SUMF1: variants seen among roughly 807,000 people sequenced by gnomAD.
The protein encoded by SUMF1 is sulfatase modifying factor 1.
SUMF1 carries 48 observed loss-of-function variants against 47.6 expected under a neutral mutation model. The ratio of observed to expected loss-of-function variants is 1.01; its 90% confidence interval spans 0.80 to 1.28. SUMF1 has a LOEUF of 1.28. Ranked by LOEUF, SUMF1 falls within the 50% of genes most tolerant of loss-of-function variation. The probability of loss-of-function intolerance (pLI) is 0.00; values close to 1 mark genes in which losing one functional copy is unlikely to be tolerated. For synonymous variants in SUMF1, 230 were observed against 192.1 expected (o/e 1.20, Z -1.63); for missense variants, 571 against 485.4 (o/e 1.18, Z -1.66).
At chr3:4,132,575 A>G (rs960777023) in intron 8 of SUMF1, among the ~76,000 whole-genome samples, 1 of 152,120 alleles carries the variant, frequency 6.6e-6, no homozygotes, top group Non-Finnish European at 1.5e-5. Flanking sequence ...CAAGTGATCC[A>G]CTAGCAAAAT....
rs1699775863 is a variant in SUMF1, at chr3:4,362,035, C to A, written c.*109G>T. 5 of 1,111,824 alleles carry A rather than the reference C, an allele frequency of 4.5e-6. No homozygotes were observed. Among genetic ancestry groups the A allele is most frequent in the Non-Finnish European group, 6.7e-6 (5 of 747,622 alleles). The allele number at this position is 1,111,824 out of a possible 1,614,324, so 68.9% of individuals were successfully genotyped here. Reference sequence around the variant, plus strand: ...TTTGGCCATTGGGCAGGTATGTAACCCACCTCAGGGTGGGAATTCTTTGCA... The same window carrying A: ...TTTGGCCATTGGGCAGGTATGTAACACACCTCAGGGTGGGAATTCTTTGCA... On this transcript the variant is annotated 3_prime_UTR_variant, in exon 9 of 9. Coordinates refer to ENST00000272902, the MANE Select transcript of SUMF1 (RefSeq NM_182760.4).
At chr3:4,113,533 C>T (rs1372673769) in intron 8 of SUMF1, among the ~76,000 whole-genome samples, 1 of 151,734 alleles carries the variant, frequency 6.6e-6, no homozygotes, top group Non-Finnish European at 1.5e-5. Flanking sequence ...CACCGCCCCC[C>T]ACCCCCAAAA....
At position 4,148,092 on chromosome 3, in the gene SUMF1, G is replaced by A. The variant is rs151303517; in HGVS notation, c.1015-79347C>T. 2.7e-3 allele frequency among the ~76,000 whole-genome samples: 413 copies of A among 152,186 alleles called. 4 individuals carry two copies. Among genetic ancestry groups the A allele is most frequent in the African/African-American group, 9.2e-3 (380 of 41,520 alleles). On this transcript the variant is annotated intron_variant and NMD_transcript_variant, in intron 8 of 12. Coordinates refer to the SUMF1 transcript ENST00000448413. ...CACAATGTTGAATATCAGCATTTCC[G>A]TACATAGGTATAGCTCCTACCCACT...
intron 8 of SUMF1, among the ~76,000 whole-genome samples, chr3:4,228,057 C>A (rs1351633142): frequency 6.6e-6 from 1 of 151,852 alleles, no homozygotes; most frequent in Admixed American, 6.6e-5. Flanking sequence ...GAGTTTCCTG[C>A]AGGAACTAAA....
intron 8 of SUMF1, among the ~76,000 whole-genome samples, chr3:4,125,260 G>T (rs1244704062): frequency 2.6e-5 from 4 of 152,016 alleles, no homozygotes; most frequent in Non-Finnish European, 5.9e-5. Flanking sequence ...CACATTTCAA[G>T]TGCTCAAATA....
At chr3:4,369,334 G>T (rs899307185) in intron 8 of SUMF1, among the ~76,000 whole-genome samples, 6 of 152,210 alleles carry the variant, frequency 3.9e-5, no homozygotes, top group Non-Finnish European at 7.3e-5. Flanking sequence ...CTCCTACTAT[G>T]TGTGATCTGC....
intron 6 of SUMF1, among the ~76,000 whole-genome samples, chr3:4,413,490 T>C (rs912660258): frequency 2.0e-5 from 3 of 152,060 alleles, no homozygotes; most frequent in African/African-American, 7.2e-5. Context: ...AAAATTACCA[T>C]AGGTGAGTAT....
chr3:4,323,715 A>G (rs1698885346), intron 8 of SUMF1, among the ~76,000 whole-genome samples: 1 of 152,124 alleles, frequency 6.6e-6, no homozygotes, highest in Non-Finnish European at 1.5e-5. Context: ...CCCCAGGAAA[A>G]TGCTACTCCA....
chr3:4,324,060 T>C (rs7340532), intron 8 of SUMF1, among the ~76,000 whole-genome samples: 9,340 of 152,222 alleles, frequency 0.061, 960 homozygotes, highest in African/African-American at 0.21. Context: ...AAAGACAGCA[T>C]AAGTGATAGC....
intron 8 of SUMF1, among the ~76,000 whole-genome samples, chr3:4,137,404 T>C (rs973471218): frequency 2.8e-5 from 4 of 140,806 alleles, no homozygotes; most frequent in African/African-American, 1.1e-4. Flanking sequence ...TTCTCACTCA[T>C]AGGTGGGAAT....
intron 8 of SUMF1, among the ~76,000 whole-genome samples, chr3:4,091,227 T>C (rs1574874149): frequency 6.6e-6 from 1 of 152,158 alleles, no homozygotes; most frequent in South Asian, 2.1e-4. Flanking sequence ...TTGTTTCACT[T>C]AGTGTTGTAG....
At chr3:4,376,507 G>A in intron 7 of SUMF1, 118 bp from the exon 8 acceptor site, 1 of 1,008,590 alleles carries the variant, frequency 9.9e-7, no homozygotes, top group Non-Finnish European at 1.6e-6. Context: ...CTCTCCACAT[G>A]CATTTCCACC....
intron 3 of SUMF1, among the ~76,000 whole-genome samples, chr3:4,448,688 T>A (rs1702866898): frequency 6.6e-6 from 1 of 152,194 alleles, no homozygotes; most frequent in South Asian, 2.1e-4. Flanking sequence ...TACTCCACCG[T>A]TTGTTTCCAT....
intron 8 of SUMF1, among the ~76,000 whole-genome samples, chr3:4,184,651 A>ATT (rs113449863): frequency 5.2e-5 from 7 of 135,034 alleles, no homozygotes; most frequent in African/African-American, 1.9e-4. Context: ...ATTTCCCTGG[A>ATT]TTTTTTTTTT....
At chr3:4,330,702 C>G (rs9877409) in intron 8 of SUMF1, among the ~76,000 whole-genome samples, 11,436 of 152,166 alleles carry the variant, frequency 0.075, 484 homozygotes, top group Middle Eastern at 0.13. Context: ...GTCTTTTTTT[C>G]CAGCTCATTC....
At chr3:4,210,695 C>T (rs755618902) in intron 8 of SUMF1, among the ~76,000 whole-genome samples, 11 of 151,998 alleles carry the variant, frequency 7.2e-5, no homozygotes, top group Non-Finnish European at 1.5e-4. Flanking sequence ...ATTTATTATA[C>T]AGATTATTTC....
intron 8 of SUMF1, among the ~76,000 whole-genome samples, chr3:4,323,778 G>A (rs753105329): frequency 6.6e-6 from 1 of 152,140 alleles, no homozygotes; most frequent in African/African-American, 2.4e-5. Context: ...GCTCTGGGTT[G>A]GGCCATTACC....
At chr3:4,229,532 G>A (rs971461737) in intron 8 of SUMF1, among the ~76,000 whole-genome samples, 1 of 152,132 alleles carries the variant, frequency 6.6e-6, no homozygotes, top group African/African-American at 2.4e-5. Flanking sequence ...GGAGGTTGCT[G>A]TGAGGACTAC....
At chr3:4,461,624 C>T (rs1468809708) in intron 1 of SUMF1, among the ~76,000 whole-genome samples, 2 of 151,862 alleles carry the variant, frequency 1.3e-5, no homozygotes, top group African/African-American at 4.8e-5. Flanking sequence ...AACTTCCGGC[C>T]GAGTTTTTTT....
Sources: gnomAD v4.1 joint callset for allele counts (sites outside exome capture counted in the v4.1 genomes callset) on GRCh38, gnomAD v4.1.1 for gene constraint, MANE v1.5 for transcripts, NCBI Gene and HGNC (gene_info 2026-07-23, HGNC 2026-07-21) for gene names.